Variants in CORIN observed in about 807,000 individuals in gnomAD.
CORIN encodes corin, serine peptidase.
In CORIN, 117 loss-of-function variants were observed where a neutral mutation model predicts 125.3. The observed-to-expected ratio is 0.93, with a 90% CI of 0.80 to 1.09. The LOEUF (loss-of-function observed/expected upper bound fraction) is 1.09, where lower values mean the gene tolerates loss of function less well. Among genes scored for constraint, CORIN ranks in the 50% least tolerant of loss-of-function variants. CORIN has a pLI of 0.00. For missense variants in CORIN, 1,253 were observed against 1,306.7 expected (o/e 0.96, Z 0.63); for synonymous variants, 450 against 466.4 (o/e 0.96, Z 0.45).
intron 19 of CORIN, among the ~76,000 whole-genome samples, chr4:47,622,581 T>C (rs1201310956): frequency 1.3e-5 from 2 of 152,100 alleles, no homozygotes; most frequent in African/African-American, 4.8e-5. Context: ...GGTTGTGATT[T>C]GCATTTCTCT....
intron 3 of CORIN, among the ~76,000 whole-genome samples, chr4:47,765,651 C>T (rs1402957484): frequency 6.6e-6 from 1 of 152,192 alleles, no homozygotes; most frequent in Non-Finnish European, 1.5e-5. Flanking sequence ...AGGATGTCTG[C>T]TTTCTCAGTC....
intron 13 of CORIN, among the ~76,000 whole-genome samples, chr4:47,647,855 G>T (rs1458861375): frequency 2.0e-5 from 3 of 152,144 alleles, no homozygotes; most frequent in Non-Finnish European, 2.9e-5. Flanking sequence ...GTGTGAGCTT[G>T]GGTAAGTTAC....
At chr4:47,753,284 C>G (rs1199726293) in intron 4 of CORIN, among the ~76,000 whole-genome samples, 1 of 152,088 alleles carries the variant, frequency 6.6e-6, no homozygotes, top group African/African-American at 2.4e-5. Context: ...AAGGGCAAAG[C>G]AAAGATCACA....
At chr4:47,619,204 G>A (rs1722203654) in intron 19 of CORIN, among the ~76,000 whole-genome samples, 1 of 152,116 alleles carries the variant, frequency 6.6e-6, no homozygotes, top group South Asian at 2.1e-4. Context: ...GGCTTGATCT[G>A]GTCAACCATC....
At chr4:47,691,735 T>C (rs932713672) in intron 6 of CORIN, among the ~76,000 whole-genome samples, 1 of 145,734 alleles carries the variant, frequency 6.9e-6, no homozygotes, top group Non-Finnish European at 1.5e-5. Flanking sequence ...TTTCCCAAAG[T>C]TTTTTTTTTT....
At chr4:47,638,723 A>G (rs1435951336) in intron 16 of CORIN, among the ~76,000 whole-genome samples, 1 of 152,176 alleles carries the variant, frequency 6.6e-6, no homozygotes, top group Non-Finnish European at 1.5e-5. Context: ...AGTCTCGGGT[A>G]TGTCTTTATT....
chr4:47,703,012 GC>G (rs201892787), intron 5 of CORIN, among the ~76,000 whole-genome samples: 2,391 of 152,060 alleles, frequency 0.016, 71 homozygotes, highest in African/African-American at 0.054. Context: ...GTGGTGTGCT[GC>G]ACCCATCAAC....
At chr4:47,706,608 A>G in intron 5 of CORIN, 1 of 1,604,510 alleles carries the variant, frequency 6.2e-7, no homozygotes. Flanking sequence ...CTAAGGGTGC[A>G]ACTTACGGCA....
intron 2 of CORIN, among the ~76,000 whole-genome samples, chr4:47,788,733 G>A (rs1458517306): frequency 1.3e-5 from 2 of 152,200 alleles, no homozygotes; most frequent in African/African-American, 2.4e-5. Context: ...TGATATTTAT[G>A]CTAATGTGGT....
intron 6 of CORIN, among the ~76,000 whole-genome samples, chr4:47,688,568 C>T (rs1428433706): frequency 1.3e-5 from 2 of 152,128 alleles, no homozygotes; most frequent in Admixed American, 6.6e-5. Flanking sequence ...CACCTCTGCA[C>T]TCCAGCCTGG....
At chr4:47,766,875 G>T (rs995306674) in intron 3 of CORIN, among the ~76,000 whole-genome samples, 1 of 151,184 alleles carries the variant, frequency 6.6e-6, no homozygotes, top group Non-Finnish European at 1.5e-5. Context: ...AAACTCGGGA[G>T]GCGGAGGTTG....
At chr4:47,727,054 C>T (rs1449302187) in intron 5 of CORIN, among the ~76,000 whole-genome samples, 1 of 151,978 alleles carries the variant, frequency 6.6e-6, no homozygotes, top group Non-Finnish European at 1.5e-5. Context: ...CCATGCATGG[C>T]TTTACTGACT....
chr4:47,727,170 T>C (rs1193315142), intron 5 of CORIN, among the ~76,000 whole-genome samples: 6 of 152,044 alleles, frequency 3.9e-5, no homozygotes, highest in Admixed American at 1.3e-4. Context: ...ATAATTTTAA[T>C]GATAAATCAT....
chr4:47,776,312 G>T (rs946295004), intron 3 of CORIN, among the ~76,000 whole-genome samples: 2 of 151,576 alleles, frequency 1.3e-5, no homozygotes, highest in African/African-American at 4.9e-5. Flanking sequence ...TTGAGTCAAG[G>T]TCTCACTCTG....
rs113544359 is a variant in CORIN, at chr4:47,678,455, G to A, written c.1133-401C>T. Among the ~76,000 whole-genome samples, 1,205 of 152,270 alleles carry A rather than the reference G, an allele frequency of 7.9e-3. 22 individuals are homozygous for A. The highest frequency in any genetic ancestry group is 0.027 in the African/African-American group (1,112 of 41,554). ...GAGAAACTAAAGTTTACAGAGCATA[G>A]TACTTGCTCAAAGTCCCATGGCTAA... On this transcript the variant is annotated intron_variant, in intron 8 of 21. Coordinates refer to ENST00000273857, the MANE Select transcript of CORIN (RefSeq NM_006587.4).
intron 17 of CORIN, 33 bp downstream of exon 17, chr4:47,626,372 G>C: frequency 8.0e-7 from 1 of 1,247,448 alleles, no homozygotes. Context: ...TCTGTAATCT[G>C]ACTCTACACA....
intron 5 of CORIN, among the ~76,000 whole-genome samples, chr4:47,717,641 G>A (rs1230560119): frequency 6.6e-6 from 1 of 152,064 alleles, no homozygotes; most frequent in Non-Finnish European, 1.5e-5. Context: ...TATTTGCTCT[G>A]TACAAAAGAG....
At chr4:47,663,719 A>G (rs1180592221) in intron 11 of CORIN, among the ~76,000 whole-genome samples, 2 of 152,212 alleles carry the variant, frequency 1.3e-5, no homozygotes, top group African/African-American at 4.8e-5. Context: ...GTTAAGTACT[A>G]TTAAAAGAAA....
Position 47,600,239 on chromosome 4 carries a change from T to C in CORIN, c.2921A>G (p.Glu974Gly). Reference sequence around the variant, plus strand: ...CATGCATGAATCAACTGTGCCAGACTCATAGCCAGCACATATCATCCGAGT... The same window carrying C: ...CATGCATGAATCAACTGTGCCAGACCCATAGCCAGCACATATCATCCGAGT... ...ITTRMICAGYESGTVDSCMGD... is the reference protein window; with the variant it reads ...ITTRMICAGYGSGTVDSCMGD... The change falls in exon 21 of 22, where the codon GAG (glutamate) becomes GGG (glycine). Residue 974 changes from glutamate (E) to glycine (G), a missense_variant. Coordinates refer to ENST00000273857, the MANE Select transcript of CORIN (RefSeq NM_006587.4). 1 of 1,613,672 alleles carries C rather than the reference T, an allele frequency of 6.2e-7. No homozygotes were observed. Among genetic ancestry groups the C allele is most frequent in the Non-Finnish European group, 8.5e-7 (1 of 1,179,754 alleles).
Sources: allele counts gnomAD v4.1 joint callset (sites outside exome capture counted in the v4.1 genomes callset), GRCh38; gene constraint gnomAD v4.1.1; transcripts MANE v1.5; gene names NCBI Gene and HGNC (gene_info 2026-07-23, HGNC 2026-07-21).